PAN3: variants seen among roughly 807,000 people sequenced by gnomAD.
The protein encoded by PAN3 is PAN2-PAN3 deadenylation complex subunit PAN3.
PAN3 carries 19 observed loss-of-function variants against 96.2 expected under a neutral mutation model. The ratio of observed to expected loss-of-function variants is 0.20; its 90% confidence interval spans 0.14 to 0.29. The LOEUF (loss-of-function observed/expected upper bound fraction) is 0.29, where lower values mean the gene tolerates loss of function less well. PAN3 is among the 10% of genes least tolerant of loss of function. The pLI is 1.00. For missense variants in PAN3, 882 were observed against 1,108.1 expected (o/e 0.80, Z 2.90); for synonymous variants, 433 against 406.6 (o/e 1.06, Z -0.78).
At chr13:28,282,337 GTTGT>G (rs2138726471) in intron 17 of PAN3, among the ~76,000 whole-genome samples, 1 of 132,286 alleles carries the variant, frequency 7.6e-6, no homozygotes, top group East Asian at 2.3e-4. Context: ...TACTTGAGGG[GTTGT>G]TTTTTTTTTT....
intron 5 of PAN3, among the ~76,000 whole-genome samples, chr13:28,202,655 G>C (rs1197405754): frequency 6.7e-6 from 1 of 148,772 alleles, no homozygotes. Flanking sequence ...ATATATATAT[G>C]TATACACACA....
chr13:28,259,229 G>A (rs1418491724), intron 7 of PAN3, among the ~76,000 whole-genome samples: 1 of 151,686 alleles, frequency 6.6e-6, no homozygotes, highest in Admixed American at 6.6e-5. Context: ...CCAGTTTCAA[G>A]CGATTCTCCT....
Position 28,260,476 on chromosome 13 carries a change from A to G in PAN3, c.1278A>G (p.Pro426=). The G allele has an allele frequency of 6.2e-7, 1 of 1,613,402 alleles. No homozygotes were observed. The highest frequency in any genetic ancestry group is 8.5e-7 in the Non-Finnish European group (1 of 1,179,412). The change falls in exon 8 of 19, where the codon CCA becomes CCG. Residue 426 remains proline, a synonymous_variant. Coordinates refer to ENST00000380958, the MANE Select transcript of PAN3 (RefSeq NM_175854.8). ...MVFPNYHIYP[P]TAPHVAYMQP... is the part of the protein sequence containing the mutation. ...TTCCAAACTATCATATTTATCCTCC[A>G]ACTGCACCTCACGTTGCTTATATGC...
intron 1 of PAN3, among the ~76,000 whole-genome samples, chr13:28,147,136 A>G (rs1325750907): frequency 7.9e-5 from 12 of 152,230 alleles, no homozygotes. Flanking sequence ...GTACTTAGTA[A>G]TTAGTACTGG....
At chr13:28,246,379 T>G (rs1884189967) in intron 6 of PAN3, among the ~76,000 whole-genome samples, 4 of 152,206 alleles carry the variant, frequency 2.6e-5, no homozygotes, top group Admixed American at 2.6e-4. Flanking sequence ...GCATACAATG[T>G]GTAATGATCA....
intron 18 of PAN3, 104 bp from the exon 19 acceptor site, chr13:28,292,278 T>G (rs970533484): frequency 2.8e-5 from 34 of 1,199,130 alleles, no homozygotes; most frequent in Non-Finnish European, 3.8e-5. Context: ...TGAAAGGGAA[T>G]GTGACAAAAA....
intron 9 of PAN3, among the ~76,000 whole-genome samples, chr13:28,264,526 A>G (rs1325743602): frequency 6.6e-6 from 1 of 152,012 alleles, no homozygotes; most frequent in Non-Finnish European, 1.5e-5. Context: ...TCTGTCTCCA[A>G]AAAAAAAGAA....
At chr13:28,257,270 CAG>C (rs1491186675) in intron 7 of PAN3, among the ~76,000 whole-genome samples, 1 of 152,044 alleles carries the variant, frequency 6.6e-6, no homozygotes, top group Admixed American at 6.6e-5. Flanking sequence ...GAACAGGAGT[CAG>C]GGGGCGAGAA....
intron 4 of PAN3, among the ~76,000 whole-genome samples, chr13:28,196,918 T>TAAAATCAGATG (rs1489121777): frequency 6.6e-6 from 1 of 152,246 alleles, no homozygotes; most frequent in Non-Finnish European, 1.5e-5. Context: ...TAAAGTCGTA[T>TAAAATCAGATG]AAAATCAGAT....
intron 1 of PAN3, among the ~76,000 whole-genome samples, chr13:28,145,441 T>C (rs1870505811): frequency 6.6e-6 from 1 of 151,716 alleles, no homozygotes; most frequent in African/African-American, 2.4e-5. Context: ...TCTCATGCCA[T>C]AGACTCATGA....
At chr13:28,138,540 G>T, upstream of PAN3, 1 of 183,292 alleles carries the variant, frequency 5.5e-6, no homozygotes, top group Non-Finnish European at 1.1e-5. Flanking sequence ...CAGCGGGACA[G>T]ACCCACCCGC....
At chr13:28,201,525 A>G (rs962388826) in intron 5 of PAN3, among the ~76,000 whole-genome samples, 1 of 151,982 alleles carries the variant, frequency 6.6e-6, no homozygotes, top group East Asian at 1.9e-4. Flanking sequence ...CAGCCTGGGC[A>G]ACAGAGCAAG....
At chr13:28,260,837 ATAATT>A (rs1202551378) in intron 8 of PAN3, among the ~76,000 whole-genome samples, 1 of 152,232 alleles carries the variant, frequency 6.6e-6, no homozygotes, top group Non-Finnish European at 1.5e-5. Context: ...AAGTATATAA[ATAATT>A]TAAATGGTTT....
rs186062782 is a variant in PAN3, at chr13:28,207,188, A to G, written c.852+9842A>G. ...CTATATGCCACCATATATCTTGGTTATTGATATCATTTGGTGTCTAACTTG... is the reference window on the plus strand; with the variant it reads ...CTATATGCCACCATATATCTTGGTTGTTGATATCATTTGGTGTCTAACTTG... On this transcript the variant is annotated intron_variant, in intron 5 of 18. Transcript: ENST00000380958. Among the ~76,000 whole-genome samples the G allele has an allele frequency of 4.5e-3, 682 of 152,296 alleles. 4 individuals are homozygous for G. Among genetic ancestry groups the G allele is most frequent in the Non-Finnish European group, 6.9e-3 (466 of 68,018 alleles).
Position 28,164,302 on chromosome 13 carries a change from A to T in PAN3, c.431-9970A>T, listed in dbSNP as rs541418371. On this transcript the variant is annotated intron_variant, in intron 1 of 18. Coordinates refer to ENST00000380958, the MANE Select transcript of PAN3 (RefSeq NM_175854.8). ...TAATTCATGGCATAATCTGCATCTT[A>T]TAAGCATTTTGCCCAAGACTTTGTG... Among the ~76,000 whole-genome samples, 8 of 152,328 alleles carry T rather than the reference A, an allele frequency of 5.3e-5. No homozygotes were observed. In the South Asian group the frequency reaches 1.7e-3, roughly 32 times the overall value.
intron 6 of PAN3, among the ~76,000 whole-genome samples, chr13:28,252,530 A>T (rs536678199): frequency 2.0e-5 from 3 of 152,254 alleles, no homozygotes; most frequent in South Asian, 4.1e-4. Flanking sequence ...TGAAGTTTTT[A>T]AAATCTCATT....
At chr13:28,287,785 C>T (rs1869175262) in intron 17 of PAN3, among the ~76,000 whole-genome samples, 199 bp from the exon 18 acceptor site, 1 of 152,202 alleles carries the variant, frequency 6.6e-6, no homozygotes, top group African/African-American at 2.4e-5. Flanking sequence ...TGATTTCCCC[C>T]TGACATTTGC....
At chr13:28,217,011 G>A (rs1880858463) in intron 5 of PAN3, among the ~76,000 whole-genome samples, 1 of 151,954 alleles carries the variant, frequency 6.6e-6, no homozygotes, top group South Asian at 2.1e-4. Context: ...CTACTCTGGA[G>A]GCTGAGGCAG....
At chr13:28,206,315 C>CTTTTTTTTTTTTTTT (rs71086837) in intron 5 of PAN3, among the ~76,000 whole-genome samples, 1 of 94,948 alleles carries the variant, frequency 1.1e-5, no homozygotes. Flanking sequence ...GTCTAACTGA[C>CTTTTTTTTTTTTTTT]TTTTTTTTTT....
Sources: gnomAD v4.1 joint callset for allele counts (sites outside exome capture counted in the v4.1 genomes callset) on GRCh38, gnomAD v4.1.1 for gene constraint, MANE v1.5 for transcripts, NCBI Gene and HGNC (gene_info 2026-07-23, HGNC 2026-07-21) for gene names.